Variants in CD96 observed in about 807,000 individuals in gnomAD.
The protein encoded by CD96 is T-cell surface protein tactile.
Under a neutral mutation model 71.3 loss-of-function variants are expected in CD96, and 70 were observed. The observed-to-expected ratio is 0.98, with a 90% CI of 0.81 to 1.20. The LOEUF (loss-of-function observed/expected upper bound fraction) is 1.20. CD96 is among the 50% of genes most tolerant of loss of function. CD96 has a pLI of 0.00. For synonymous variants in CD96, 248 were observed against 233.0 expected, an observed-to-expected ratio of 1.06 and a Z score of -0.59; for missense variants, 742 against 677.5, an observed-to-expected ratio of 1.10 and a Z score of -1.06.
At chr3:111,580,557 C>T (rs1328966803) in intron 4 of CD96, among the ~76,000 whole-genome samples, 1 of 151,952 alleles carries the variant, frequency 6.6e-6, no homozygotes, top group Admixed American at 6.5e-5. Flanking sequence ...CTCTAAAGGG[C>T]AGAGCAAGCA....
intron 5 of CD96, among the ~76,000 whole-genome samples, chr3:111,591,090 A>G (rs934047335): frequency 2.0e-5 from 3 of 152,212 alleles, no homozygotes; most frequent in Admixed American, 6.5e-5. Context: ...AACAGATACC[A>G]GAGGCCAGAA....
intron 12 of CD96, among the ~76,000 whole-genome samples, chr3:111,642,730 C>G (rs1462129301): frequency 1.3e-5 from 2 of 152,002 alleles, no homozygotes; most frequent in Admixed American, 6.6e-5. Context: ...TTGCTTGAGT[C>G]TGGGTGGCAG....
At chr3:111,557,258 T>C (rs1935112615) in intron 2 of CD96, among the ~76,000 whole-genome samples, 1 of 121,666 alleles carries the variant, frequency 8.2e-6, no homozygotes. Context: ...GCTTTTGGTG[T>C]TTTAGACATG....
intron 10 of CD96, among the ~76,000 whole-genome samples, chr3:111,625,836 A>G (rs942039327): frequency 6.6e-5 from 10 of 152,212 alleles, no homozygotes; most frequent in African/African-American, 2.2e-4. Flanking sequence ...TCTGGGGAAC[A>G]TATTTGCCAC....
chr3:111,550,892 G>A (rs1339748779), intron 2 of CD96, among the ~76,000 whole-genome samples: 1 of 152,192 alleles, frequency 6.6e-6, no homozygotes, highest in Non-Finnish European at 1.5e-5. Context: ...TTCTCCAGCA[G>A]TGATTGGCTG....
At chr3:111,586,616 T>C (rs1936726793) in intron 5 of CD96, among the ~76,000 whole-genome samples, 2 of 152,210 alleles carry the variant, frequency 1.3e-5, no homozygotes, top group Non-Finnish European at 1.5e-5. Flanking sequence ...CTGACAATCA[T>C]GGCGGAAGGC....
chr3:111,619,727 C>T (rs1423338695), intron 8 of CD96, among the ~76,000 whole-genome samples: 2 of 151,684 alleles, frequency 1.3e-5, no homozygotes, highest in African/African-American at 4.9e-5. Flanking sequence ...ATGAGGAATG[C>T]AAATAAAATT....
rs755084179 is a variant in CD96, at chr3:111,638,036, C to T, written c.1388-43C>T. 4 of 1,043,372 alleles carry T rather than the reference C, an allele frequency of 3.8e-6. No homozygotes were observed. In the Admixed American group the frequency reaches 5.1e-5, roughly 13 times the overall value. The allele number at this position is 1,043,372 out of a possible 1,614,324, so 64.6% of individuals were successfully genotyped here. A position where few individuals can be genotyped will look rare whatever the true frequency, so the allele number is the denominator to read the frequency against. On this transcript the variant is annotated intron_variant, in intron 11 of 13. Coordinates refer to ENST00000352690, the MANE Select transcript of CD96 (RefSeq NM_005816.5). The stretch of plus-strand genomic sequence containing the variant: ...CAATCATGGTTTTATACCACTTGAT[C>T]AAGTTGAGATGTCTTGTCCAGATAT...
At chr3:111,581,638 G>A (rs1449999205) in intron 4 of CD96, among the ~76,000 whole-genome samples, 1 of 152,160 alleles carries the variant, frequency 6.6e-6, no homozygotes, top group Admixed American at 6.5e-5. Context: ...GCCCATCACA[G>A]GGTTCTGTTC....
chr3:111,549,179 C>A (rs1488762653), intron 2 of CD96, among the ~76,000 whole-genome samples: 3 of 152,038 alleles, frequency 2.0e-5, no homozygotes, highest in African/African-American at 7.2e-5. Flanking sequence ...CCTCCCCTCC[C>A]CTCTCCTTTC....
chr3:111,566,202 A>G (rs916780021), intron 2 of CD96, among the ~76,000 whole-genome samples: 2 of 151,784 alleles, frequency 1.3e-5, no homozygotes, highest in African/African-American at 4.8e-5. Flanking sequence ...TCACAATGTT[A>G]GTAGCAATAA....
intron 7 of CD96, 32 bp from the exon 8 acceptor site, chr3:111,606,668 G>A (rs1474445457): frequency 9.9e-7 from 1 of 1,009,226 alleles, no homozygotes; most frequent in African/African-American, 1.6e-5. Context: ...ACAATATTTT[G>A]TTCATTATAA....
chr3:111,569,666 C>T lies in CD96; in HGVS notation c.543+2019C>T, dbSNP rs149177676. Among the ~76,000 whole-genome samples, 855 of 152,256 alleles carry T rather than the reference C, an allele frequency of 5.6e-3. 13 individuals are homozygous for T. Among genetic ancestry groups the T allele is most frequent in the African/African-American group, 0.019 (803 of 41,552 alleles). On this transcript the variant is annotated intron_variant, in intron 3 of 13. Coordinates refer to ENST00000352690, the MANE Select transcript of CD96 (RefSeq NM_005816.5). ...CTGTAGATATTTTTACTGTAGTGTT[C>T]TTATCTTGTCTCATGGGTATGTAAT...
chr3:111,588,090 T>C (rs1936798469), intron 5 of CD96, among the ~76,000 whole-genome samples: 1 of 152,154 alleles, frequency 6.6e-6, no homozygotes, highest in Non-Finnish European at 1.5e-5. Flanking sequence ...CTCCAGAAAA[T>C]GGGATTTTCT....
intron 8 of CD96, among the ~76,000 whole-genome samples, chr3:111,610,461 A>G (rs1468013908): frequency 6.6e-6 from 1 of 152,244 alleles, no homozygotes; most frequent in Non-Finnish European, 1.5e-5. Context: ...AGTCATCATT[A>G]CGAAGCTGCA....
chr3:111,648,418 C>G (rs1184613152), intron 13 of CD96, among the ~76,000 whole-genome samples: 1 of 152,200 alleles, frequency 6.6e-6, no homozygotes, highest in Non-Finnish European at 1.5e-5. Context: ...TCTGTAACCA[C>G]ATACAGGGAG....
At chr3:111,568,070 G>T (rs1935807037) in intron 3 of CD96, among the ~76,000 whole-genome samples, 1 of 152,142 alleles carries the variant, frequency 6.6e-6, no homozygotes, top group Non-Finnish European at 1.5e-5. Context: ...ATCCAACATT[G>T]GGTTAGATAG....
At chr3:111,559,048 G>A (rs1559718398) in intron 2 of CD96, among the ~76,000 whole-genome samples, 1 of 152,108 alleles carries the variant, frequency 6.6e-6, no homozygotes, top group Non-Finnish European at 1.5e-5. Context: ...GGGAAAGGTG[G>A]TGATATCCCC....
Position 111,647,646 on chromosome 3 carries a change from G to A in CD96, c.1581G>A (p.Trp527Ter), listed in dbSNP as rs1939895628. The A allele has an allele frequency of 6.2e-7, 1 of 1,609,950 alleles. No homozygotes were observed. Among genetic ancestry groups the A allele is most frequent in the Non-Finnish European group, 8.5e-7 (1 of 1,176,440 alleles). ...TGTTTGGTCTTGGAGTGAGAAAATG[G>A]TGTCAGTACCAAAAAGAAATGTGAG... The part of the protein sequence containing the change: ...MILFGLGVRK[W>*]CQYQKEIMER... Residue 527 changes from tryptophan (W) to a stop codon, truncating the protein, a stop_gained, in exon 13 of 14, where the codon TGG (tryptophan) becomes TGA (stop). Transcript: ENST00000352690. LOFTEE classifies it high-confidence loss of function.
Sources: allele counts gnomAD v4.1 joint callset (sites outside exome capture counted in the v4.1 genomes callset), GRCh38; gene constraint gnomAD v4.1.1; transcripts MANE v1.5; gene names NCBI Gene and HGNC (gene_info 2026-07-23, HGNC 2026-07-21).